CSMD1: variants seen among roughly 807,000 people sequenced by gnomAD.
CSMD1 encodes the protein CUB and sushi domain-containing protein 1.
A neutral mutation model predicts 417.5 loss-of-function variants in CSMD1; 213 were observed. The observed-to-expected ratio is 0.51, with a 90% CI of 0.46 to 0.57. The LOEUF (loss-of-function observed/expected upper bound fraction) is 0.57, where lower values mean the gene tolerates loss of function less well. CSMD1 is among the 20% of genes least tolerant of loss of function. The pLI is 0.00. For synonymous variants in CSMD1, 2,862 were observed against 1,736.8 expected, an observed-to-expected ratio of 1.65 and a Z score of -16.11; for missense variants, 6,923 against 4,529.7, an observed-to-expected ratio of 1.53 and a Z score of -15.17.
intron 2 of CSMD1, among the ~76,000 whole-genome samples, chr8:4,632,643 C>G (rs1373291132): frequency 6.6e-6 from 1 of 152,092 alleles, no homozygotes; most frequent in Non-Finnish European, 1.5e-5. Flanking sequence ...ATACAAGCCC[C>G]GAGCCCCATT....
At chr8:4,710,709 G>A (rs1808233031) in intron 1 of CSMD1, among the ~76,000 whole-genome samples, 1 of 151,558 alleles carries the variant, frequency 6.6e-6, no homozygotes, top group Admixed American at 6.6e-5. Flanking sequence ...GCCCAGCATG[G>A]GGCCACATGC....
At chr8:4,892,315 G>T (rs771738856) in intron 1 of CSMD1, among the ~76,000 whole-genome samples, 5 of 152,062 alleles carry the variant, frequency 3.3e-5, no homozygotes, top group Non-Finnish European at 2.9e-5. Context: ...ATACTCAGAT[G>T]GTTGATACTT....
At chr8:4,437,601 C>T (rs1154057) in intron 2 of CSMD1, among the ~76,000 whole-genome samples, 123,891 of 152,176 alleles carry the variant, frequency 0.81, 50,480 homozygotes, top group Middle Eastern at 0.89. Flanking sequence ...TTATTTCATA[C>T]TCTATCAGCC....
At chr8:3,641,101 G>C (rs1482202) in intron 7 of CSMD1, among the ~76,000 whole-genome samples, 8 of 127,674 alleles carry the variant, frequency 6.3e-5, no homozygotes, top group Middle Eastern at 5.9e-3. Flanking sequence ...AAAGCCTTAA[G>C]AAAGTTAGAC....
At chr8:4,134,529 T>A (rs944865426) in intron 3 of CSMD1, among the ~76,000 whole-genome samples, 4 of 152,222 alleles carry the variant, frequency 2.6e-5, no homozygotes, top group Admixed American at 2.6e-4. Context: ...AAGATAACTC[T>A]TGTTGTTTAA....
intron 20 of CSMD1, among the ~76,000 whole-genome samples, chr8:3,366,679 C>A (rs1809587273): frequency 6.6e-6 from 1 of 152,236 alleles, no homozygotes; most frequent in African/African-American, 2.4e-5. Context: ...ACAACAGACC[C>A]AGAGGATGCC....
chr8:4,870,142 C>A, intron 1 of CSMD1, among the ~76,000 whole-genome samples: 1 of 151,972 alleles, frequency 6.6e-6, no homozygotes, highest in East Asian at 1.9e-4. Context: ...ATTACATATA[C>A]TTATAAAATG....
intron 3 of CSMD1, among the ~76,000 whole-genome samples, chr8:4,128,396 T>G (rs1164120405): frequency 6.6e-6 from 1 of 152,146 alleles, no homozygotes; most frequent in Non-Finnish European, 1.5e-5. Flanking sequence ...GATTTGGAAC[T>G]AAAACATCTG....
intron 3 of CSMD1, among the ~76,000 whole-genome samples, chr8:4,104,854 C>A (rs1194503948): frequency 6.6e-6 from 1 of 152,150 alleles, no homozygotes; most frequent in Non-Finnish European, 1.5e-5. Context: ...GAGTGCTTAG[C>A]CTTACATTTT....
In CSMD1 at chr8:3,998,042, C is replaced by G. The variant is rs375007309; in HGVS notation, c.679G>C (p.Glu227Gln). ...GTGCAGTCCGCGTTGTTCTCGTACT[C>G]TGAAGGGAAGTGCGGGCTGGAGATG... ...SSISSPHFPS[E>Q]YENNADCTWT... The change falls in exon 5 of 70, where the codon GAG becomes CAG. Residue 227 changes from glutamate to glutamine, a missense_variant. Glu to Gln is a conservative substitution (Grantham distance 29). Transcript: ENST00000635120. 12 of 1,602,074 alleles carry G rather than the reference C, an allele frequency of 7.5e-6. No homozygotes were observed. The East Asian group carries it at 9.0e-5, about 12-fold the overall frequency.
chr8:4,076,594 T>C (rs1423168976), intron 3 of CSMD1, among the ~76,000 whole-genome samples: 1 of 152,220 alleles, frequency 6.6e-6, no homozygotes, highest in Admixed American at 6.5e-5. Context: ...ATTCATGTCC[T>C]AAACTTAAAA....
At chr8:4,515,928 C>G (rs146289818) in intron 2 of CSMD1, among the ~76,000 whole-genome samples, 1 of 152,134 alleles carries the variant, frequency 6.6e-6, no homozygotes, top group African/African-American at 2.4e-5. Flanking sequence ...AGACTTGTAG[C>G]CATTTAGAGC....
At chr8:3,432,289 T>C (rs536901927) in intron 12 of CSMD1, among the ~76,000 whole-genome samples, 2 of 152,232 alleles carry the variant, frequency 1.3e-5, no homozygotes, top group South Asian at 4.1e-4. Context: ...TGAGAAACTA[T>C]GCAAATGAAA....
chr8:3,481,703 A>G (rs1323055133), intron 11 of CSMD1, among the ~76,000 whole-genome samples: 1 of 152,168 alleles, frequency 6.6e-6, no homozygotes, highest in African/African-American at 2.4e-5. Context: ...GGCAGAGAAG[A>G]TGGTCTCGTG....
At position 4,159,658 on chromosome 8, in the gene CSMD1, G is replaced by T. The variant is rs898873828; in HGVS notation, c.416-127559C>A. ...GGCTGGAGCACAGTGGCGCGATCTC[G>T]GCTCACTGCAAGCTCCCCCTCCCGG... is the stretch of plus-strand genomic sequence containing the variant. On this transcript the variant is annotated intron_variant, in intron 3 of 69. Coordinates refer to ENST00000635120, the MANE Select transcript of CSMD1 (RefSeq NM_033225.6). Among the ~76,000 whole-genome samples, 83 of 152,170 alleles carry T rather than the reference G, an allele frequency of 5.5e-4. 1 individual carries two copies. The highest frequency in any genetic ancestry group is 1.9e-3 in the African/African-American group (77 of 41,514).
chr8:4,732,825 G>A (rs141727260), intron 1 of CSMD1, among the ~76,000 whole-genome samples: 1 of 152,132 alleles, frequency 6.6e-6, no homozygotes, highest in Non-Finnish European at 1.5e-5. Context: ...AATGAGCTTG[G>A]AACTTCTTTG....
intron 57 of CSMD1, 106 bp from the exon 58 acceptor site, chr8:2,966,852 A>G: frequency 2.0e-6 from 2 of 1,011,616 alleles, no homozygotes; most frequent in South Asian, 3.2e-5. Context: ...CACATTTATT[A>G]CAAACCCAAA....
intron 3 of CSMD1, among the ~76,000 whole-genome samples, chr8:4,364,359 C>G (rs999672284): frequency 1.4e-4 from 21 of 152,096 alleles, no homozygotes; most frequent in Non-Finnish European, 2.6e-4. Context: ...CCTAAGAAAA[C>G]AGCTTTCCCC....
intron 50 of CSMD1, among the ~76,000 whole-genome samples, chr8:3,049,497 G>C (rs1811671798): frequency 6.6e-6 from 1 of 152,120 alleles, no homozygotes; most frequent in South Asian, 2.1e-4. Context: ...CTAGGTGCCA[G>C]ATGATTCCCA....
Sources: gnomAD v4.1 joint callset for allele counts (sites outside exome capture counted in the v4.1 genomes callset) on GRCh38, gnomAD v4.1.1 for gene constraint, MANE v1.5 for transcripts, NCBI Gene and HGNC (gene_info 2026-07-23, HGNC 2026-07-21) for gene names.